The following SCFD2 variants were observed in gnomAD, a reference collection of about 807,000 sequenced individuals.
SCFD2 encodes sec1 family domain-containing protein 2.
SCFD2 carries 54 observed loss-of-function variants against 58.9 expected under a neutral mutation model. That is an observed-to-expected ratio of 0.92 (90% CI 0.74 to 1.15). The LOEUF (loss-of-function observed/expected upper bound fraction) is 1.15, where lower values mean the gene tolerates loss of function less well. SCFD2 is among the 50% of genes most tolerant of loss of function. The pLI is 0.00. For missense variants in SCFD2, 805 were observed against 836.6 expected, an observed-to-expected ratio of 0.96 and a Z score of 0.47; for synonymous variants, 321 against 335.9, an observed-to-expected ratio of 0.96 and a Z score of 0.49.
Position 53,220,262 on chromosome 4 carries a change from A to C in SCFD2, c.1311+53564T>G, listed in dbSNP as rs549305289. On this transcript the variant is annotated intron_variant, in intron 4 of 8. Coordinates refer to ENST00000401642, the MANE Select transcript of SCFD2 (RefSeq NM_152540.4). ...TACAGCAAGGACACCAACCAAAGGAACACATGCTATAGAAAACCTGATCAG... is the reference window on the plus strand; with the variant it reads ...TACAGCAAGGACACCAACCAAAGGACCACATGCTATAGAAAACCTGATCAG... Among the ~76,000 whole-genome samples the C allele has an allele frequency of 6.6e-5, 10 of 152,340 alleles. No individual in the cohort carries two copies. In the East Asian group the frequency reaches 1.9e-3, roughly 29 times the overall value.
At chr4:52,888,144 T>C (rs891403857) in intron 7 of SCFD2, among the ~76,000 whole-genome samples, 3 of 152,052 alleles carry the variant, frequency 2.0e-5, no homozygotes, top group Admixed American at 1.3e-4. Context: ...TCTCCTGACC[T>C]CATGATCCAC....
At chr4:53,181,065 C>G (rs1227254142) in intron 4 of SCFD2, among the ~76,000 whole-genome samples, 2 of 152,072 alleles carry the variant, frequency 1.3e-5, no homozygotes, top group East Asian at 3.9e-4. Context: ...AGCCGAATTC[C>G]ACCAGAGGTA....
At chr4:52,931,212 A>C (rs944035872) in intron 5 of SCFD2, among the ~76,000 whole-genome samples, 9 of 152,220 alleles carry the variant, frequency 5.9e-5, no homozygotes, top group African/African-American at 2.2e-4. Flanking sequence ...CACTATAATA[A>C]GTCCCCTTTC....
intron 3 of SCFD2, among the ~76,000 whole-genome samples, chr4:53,274,272 T>C (rs1403067468): frequency 6.6e-6 from 1 of 152,198 alleles, no homozygotes; most frequent in East Asian, 1.9e-4. Context: ...CATTTTATCA[T>C]TATGTAATAC....
intron 3 of SCFD2, among the ~76,000 whole-genome samples, chr4:53,292,609 T>C (rs1212368505): frequency 1.3e-5 from 2 of 152,180 alleles, no homozygotes; most frequent in African/African-American, 2.4e-5. Flanking sequence ...GGTAGGTGTG[T>C]AGATTAATTC....
At chr4:53,154,641 G>C (rs764628375) in intron 4 of SCFD2, among the ~76,000 whole-genome samples, 4 of 152,232 alleles carry the variant, frequency 2.6e-5, no homozygotes, top group Non-Finnish European at 5.9e-5. Context: ...GTGGGAGCCT[G>C]ACAGAGTGCT....
At chr4:52,883,692 G>C (rs1331413886) in intron 8 of SCFD2, among the ~76,000 whole-genome samples, 1 of 152,186 alleles carries the variant, frequency 6.6e-6, no homozygotes, top group Non-Finnish European at 1.5e-5. Flanking sequence ...CACCACGTTA[G>C]GGGCAGCAAG....
At chr4:53,209,034 C>T (rs1004304549) in intron 4 of SCFD2, among the ~76,000 whole-genome samples, 13 of 151,994 alleles carry the variant, frequency 8.6e-5, no homozygotes, top group African/African-American at 3.1e-4. Flanking sequence ...TCTCAGTTTG[C>T]CTGAGTTTGA....
At chr4:53,319,957 G>A (rs1243398362) in intron 2 of SCFD2, among the ~76,000 whole-genome samples, 3 of 152,152 alleles carry the variant, frequency 2.0e-5, no homozygotes, top group Non-Finnish European at 4.4e-5. Context: ...AGTGCCAATG[G>A]GCTGCTTCTG....
intron 5 of SCFD2, among the ~76,000 whole-genome samples, chr4:53,017,125 CAA>C (rs201662851): frequency 4.5e-4 from 66 of 147,570 alleles, no homozygotes; most frequent in African/African-American, 1.7e-3. Context: ...CACACACACA[CAA>C]AAAGAAGCAA....
At chr4:53,121,069 T>G (rs1393007868) in intron 5 of SCFD2, among the ~76,000 whole-genome samples, 2 of 152,246 alleles carry the variant, frequency 1.3e-5, no homozygotes, top group African/African-American at 4.8e-5. Flanking sequence ...AGGACATTTA[T>G]AACTGTGTGG....
chr4:53,254,845 ATTTTATTTTATTTTATTTATTTTAT>A (rs1560414531), intron 4 of SCFD2, among the ~76,000 whole-genome samples: 2 of 84,684 alleles, frequency 2.4e-5, no homozygotes, highest in African/African-American at 9.7e-5. Context: ...ATTTTATTTT[ATTTTATTTTATTTTATTTATTTTAT>A]TTTATTTTAT....
chr4:53,278,321 T>C (rs1419399298), intron 3 of SCFD2, among the ~76,000 whole-genome samples: 1 of 148,674 alleles, frequency 6.7e-6, no homozygotes, highest in East Asian at 2.0e-4. Context: ...ATTGCACCAC[T>C]GCATTCCAGC....
intron 5 of SCFD2, among the ~76,000 whole-genome samples, chr4:53,055,854 AGACTCTCTCCT>A (rs951786086): frequency 2.6e-4 from 40 of 152,070 alleles, no homozygotes; most frequent in Non-Finnish European, 3.4e-4. Context: ...CCACTTGCTC[AGACTCTCTCCT>A]GACTGGCTGC....
At chr4:53,170,749 A>T (rs565628960) in intron 4 of SCFD2, among the ~76,000 whole-genome samples, 1 of 152,238 alleles carries the variant, frequency 6.6e-6, no homozygotes, top group South Asian at 2.1e-4. Flanking sequence ...GATCTTTCAC[A>T]TTCTTGGATA....
intron 5 of SCFD2, among the ~76,000 whole-genome samples, chr4:53,038,501 T>C (rs1722818019): frequency 6.6e-6 from 1 of 152,168 alleles, no homozygotes; most frequent in African/African-American, 2.4e-5. Context: ...ACAGTTTTCA[T>C]TGTAAAACAG....
intron 3 of SCFD2, among the ~76,000 whole-genome samples, chr4:53,290,119 A>C (rs1480764961): frequency 2.0e-5 from 3 of 152,194 alleles, no homozygotes; most frequent in Non-Finnish European, 4.4e-5. Flanking sequence ...TCTTTAGATC[A>C]AATGGACCTA....
chr4:53,206,813 T>C (rs1350550418), intron 4 of SCFD2, among the ~76,000 whole-genome samples: 1 of 152,184 alleles, frequency 6.6e-6, no homozygotes, highest in Non-Finnish European at 1.5e-5. Context: ...AGGATCATAT[T>C]TGATTTTTAA....
intron 5 of SCFD2, among the ~76,000 whole-genome samples, chr4:53,130,946 T>C (rs1725770004): frequency 6.6e-6 from 1 of 152,190 alleles, no homozygotes; most frequent in African/African-American, 2.4e-5. Context: ...CTCCTAAATA[T>C]AGCTCTATCT....
Sources: allele counts gnomAD v4.1 joint callset (sites outside exome capture counted in the v4.1 genomes callset), GRCh38; gene constraint gnomAD v4.1.1; transcripts MANE v1.5; gene names NCBI Gene and HGNC (gene_info 2026-07-23, HGNC 2026-07-21).